The following FBXO32 variants were observed in gnomAD, a reference collection of about 807,000 sequenced individuals.
FBXO32 encodes the protein F-box protein 32.
In FBXO32, 15 loss-of-function variants were observed where a neutral mutation model predicts 48.3. That is an observed-to-expected ratio of 0.31 (90% CI 0.21 to 0.48). FBXO32 has a LOEUF of 0.48. FBXO32 is among the 20% of genes least tolerant of loss of function. The pLI is 0.99. For missense variants in FBXO32, 309 were observed against 432.7 expected (o/e 0.71, Z 2.54); for synonymous variants, 154 against 165.9 (o/e 0.93, Z 0.55).
At chr8:123,522,034 C>T (rs564471288) in intron 4 of FBXO32, among the ~76,000 whole-genome samples, 10 of 152,116 alleles carry the variant, frequency 6.6e-5, no homozygotes, top group African/African-American at 1.7e-4. Flanking sequence ...AAAATTTCAG[C>T]GACATTAATA....
At chr8:123,539,875 A>T (rs985254404) in intron 1 of FBXO32, among the ~76,000 whole-genome samples, 3 of 152,096 alleles carry the variant, frequency 2.0e-5, no homozygotes, top group African/African-American at 7.2e-5. Context: ...CCCAAGGGTG[A>T]CTCTGGCTGC....
At chr8:123,505,765 A>C (rs1370205919) in intron 7 of FBXO32, among the ~76,000 whole-genome samples, 1 of 152,178 alleles carries the variant, frequency 6.6e-6, no homozygotes, top group African/African-American at 2.4e-5. Context: ...AAAGTACTGT[A>C]AAGCACTCAG....
At chr8:123,529,098 T>G (rs1817148818) in intron 4 of FBXO32, among the ~76,000 whole-genome samples, 1 of 152,230 alleles carries the variant, frequency 6.6e-6, no homozygotes, top group African/African-American at 2.4e-5. Context: ...ATTCCTCAAA[T>G]TACAGAGGTC....
At chr8:123,533,582 C>G (rs936311433) in intron 2 of FBXO32, among the ~76,000 whole-genome samples, 1 of 152,056 alleles carries the variant, frequency 6.6e-6, no homozygotes, top group African/African-American at 2.4e-5. Context: ...TTGAGGCAGG[C>G]GGATCACTAG....
intron 4 of FBXO32, among the ~76,000 whole-genome samples, chr8:123,518,633 G>A (rs899137800): frequency 2.0e-5 from 3 of 152,130 alleles, no homozygotes; most frequent in African/African-American, 7.2e-5. Context: ...CTTACTATGT[G>A]TCAGCAACTG....
rs1030605560 is a variant in FBXO32, at chr8:123,506,659, C to T, written c.652-85G>A. On this transcript the variant is annotated intron_variant, in intron 6 of 8. Coordinates refer to ENST00000517956, the MANE Select transcript of FBXO32 (RefSeq NM_058229.4). This position sits in a 1 kb window ranked among gnomAD's most constrained non-coding sequence, Gnocchi z 4.0. ...CACCCTCCAGGCATGCAGCTGTGCC[C>T]GTCCTCCACCCTCAAGGCAGTTTAT... 1.4e-5 allele frequency: 17 copies of T among 1,178,514 alleles called. No individual in the cohort carries two copies. The African/African-American group carries it at 2.3e-4, about 16-fold the overall frequency. The allele number at this position is 1,178,514 out of a possible 1,614,324, so 73.0% of individuals were successfully genotyped here. A position where few individuals can be genotyped will look rare whatever the true frequency, so the allele number is the denominator to read the frequency against.
chr8:123,533,810 C>G (rs1025699768), intron 2 of FBXO32, among the ~76,000 whole-genome samples: 1 of 149,344 alleles, frequency 6.7e-6, no homozygotes, highest in African/African-American at 2.5e-5. Context: ...TCCGTCCCCC[C>G]GCAAAAATGA....
chr8:123,530,854 T>A (rs922600135), intron 4 of FBXO32, among the ~76,000 whole-genome samples: 7 of 150,938 alleles, frequency 4.6e-5, no homozygotes, highest in African/African-American at 1.7e-4. Context: ...CCTGACCTCA[T>A]GATCTGCTTG....
At chr8:123,539,804 T>C (rs1339743013) in intron 1 of FBXO32, among the ~76,000 whole-genome samples, 2 of 152,122 alleles carry the variant, frequency 1.3e-5, no homozygotes, top group African/African-American at 2.4e-5. Context: ...GAATTCTCCA[T>C]TGAAGTCAAT....
Position 123,504,733 on chromosome 8 carries a change from T to G in FBXO32, c.849A>C (p.Leu283Phe). The G allele has an allele frequency of 1.2e-6, 2 of 1,613,280 alleles. No homozygotes were observed. The highest frequency in any genetic ancestry group is 1.7e-6 in the Non-Finnish European group (2 of 1,179,756). The part of the protein sequence containing the change: ...HFSERQIRKR[L>F]ILSDKGQLDW... ...CCAGCTGCCCTTTGTCTGACAGAATTAATCGTTTGCGGATCTAAAAAATCA... is the reference window on the plus strand; with the variant it reads ...CCAGCTGCCCTTTGTCTGACAGAATGAATCGTTTGCGGATCTAAAAAATCA... The change falls in exon 8 of 9, where the codon TTA (leucine) becomes TTC (phenylalanine). Residue 283 changes from leucine (L) to phenylalanine (F), a missense_variant. By Grantham distance (22) the Leu-to-Phe change is conservative (BLOSUM62 0). Coordinates refer to ENST00000517956, the MANE Select transcript of FBXO32 (RefSeq NM_058229.4).
intron 2 of FBXO32, 60 bp downstream of exon 2, chr8:123,534,642 A>T (rs1360210243): frequency 1.2e-5 from 13 of 1,108,184 alleles, no homozygotes; most frequent in Middle Eastern, 2.0e-4. Context: ...TTTTCATCCA[A>T]GAACCAATCA....
At chr8:123,533,159 A>G in intron 3 of FBXO32, 32 bp downstream of exon 3, 3 of 1,549,544 alleles carry the variant, frequency 1.9e-6, no homozygotes, top group East Asian at 2.2e-5. Context: ...GATAAGGTTC[A>G]GTATAACTTA....
At chr8:123,507,734 G>T (rs1816658518) in intron 6 of FBXO32, among the ~76,000 whole-genome samples, 1 of 152,018 alleles carries the variant, frequency 6.6e-6, no homozygotes, top group Non-Finnish European at 1.5e-5. Context: ...CATCCTTGAA[G>T]GCAGGGTCTA....
chr8:123,537,870 G>T (rs904262871), intron 1 of FBXO32, among the ~76,000 whole-genome samples: 3 of 152,118 alleles, frequency 2.0e-5, no homozygotes, highest in African/African-American at 4.8e-5. Context: ...AGAAGTGTAG[G>T]CTTAGAAAAG....
At chr8:123,509,866 A>G (rs1221990602) in intron 6 of FBXO32, among the ~76,000 whole-genome samples, 1 of 152,194 alleles carries the variant, frequency 6.6e-6, no homozygotes, top group Non-Finnish European at 1.5e-5. Flanking sequence ...GCCTCTGTGG[A>G]CAGGCCTGGG....
rs577577871 is a variant in FBXO32, at chr8:123,540,194, C to T, written c.116+705G>A. 6.6e-6 allele frequency among the ~76,000 whole-genome samples: 1 copy of T among 152,288 alleles called. No individual in the cohort carries two copies. The highest frequency in any genetic ancestry group is 1.5e-5 in the Non-Finnish European group (1 of 68,016). Reference sequence around the variant, plus strand: ...AAAGCAGACCGACCGAGAGGGCCACCGAGGAAACAGGTGCAAGAGCCCTGT... The same window carrying T: ...AAAGCAGACCGACCGAGAGGGCCACTGAGGAAACAGGTGCAAGAGCCCTGT... On this transcript the variant is annotated intron_variant, in intron 1 of 8. Coordinates refer to ENST00000517956, the MANE Select transcript of FBXO32 (RefSeq NM_058229.4). This position sits in a 1 kb window ranked among gnomAD's most constrained non-coding sequence, Gnocchi z 6.4.
chr8:123,533,370 GAAGTTTC>G, intron 2 of FBXO32, 130 bp from the exon 3 acceptor site: 1 of 707,328 alleles, frequency 1.4e-6, no homozygotes, highest in Non-Finnish European at 2.4e-6. Context: ...GACAACTGAA[GAAGTTTC>G]AAGTGCTTAA....
At chr8:123,531,536 T>C (rs778191655) in intron 4 of FBXO32, among the ~76,000 whole-genome samples, 1 of 152,228 alleles carries the variant, frequency 6.6e-6, no homozygotes, top group Non-Finnish European at 1.5e-5. Context: ...GAATTCTCTC[T>C]TGCTAAGGCT....
At chr8:123,520,032 C>T (rs914650034) in intron 4 of FBXO32, among the ~76,000 whole-genome samples, 14 of 152,188 alleles carry the variant, frequency 9.2e-5, no homozygotes, top group African/African-American at 2.9e-4. Flanking sequence ...AGGTGATCTG[C>T]CTGCTTTGGC....
Sources: gnomAD v4.1 joint callset for allele counts (sites outside exome capture counted in the v4.1 genomes callset) on GRCh38, gnomAD v4.1.1 for gene constraint, Gnocchi (gnomAD v3.1) non-coding constraint, MANE v1.5 for transcripts, NCBI Gene and HGNC (gene_info 2026-07-23, HGNC 2026-07-21) for gene names.